The following PHACTR4 variants were observed in gnomAD, a reference collection of about 807,000 sequenced individuals.
PHACTR4 encodes phosphatase and actin regulator 4, also known as protein phosphatase 1, regulatory subunit 124.
A neutral mutation model predicts 72.7 loss-of-function variants in PHACTR4; 51 were observed. That is an observed-to-expected ratio of 0.70 (90% CI 0.56 to 0.89). The LOEUF is 0.89. Ranked by LOEUF, PHACTR4 falls within the 40% of genes least tolerant of loss-of-function variation. The probability of loss-of-function intolerance (pLI) is 0.00; values close to 1 mark genes in which losing one functional copy is unlikely to be tolerated. For missense variants in PHACTR4, 731 were observed against 861.8 expected (o/e 0.85, Z 1.90); for synonymous variants, 255 against 302.5 (o/e 0.84, Z 1.63).
At chr1:28,483,478 A>G (rs1331645535) in intron 9 of PHACTR4, among the ~76,000 whole-genome samples, 1 of 151,746 alleles carries the variant, frequency 6.6e-6, no homozygotes, top group East Asian at 2.0e-4. Context: ...CATGTTTATT[A>G]TATGGTAGTT....
intron 1 of PHACTR4, among the ~76,000 whole-genome samples, chr1:28,379,709 C>T (rs1016358599): frequency 1.3e-5 from 2 of 151,708 alleles, no homozygotes; most frequent in African/African-American, 2.4e-5. Context: ...CCTGCCTCAG[C>T]CTCCCGAGTA....
Position 28,458,108 on chromosome 1 carries a change from TTGTGTGTGTGTGTGTGTGTG to T in PHACTR4, c.17-947_17-928del, listed in dbSNP as rs539564108. The stretch of plus-strand genomic sequence containing the variant: ...ATCCTTAATATTATGGTGTGTGTGT[TTGTGTGTGTGTGTGTGTGTG>T]TGTGTGTGTGTGTGTGTGTGTGTGT... On this transcript the variant is annotated intron_variant, in intron 2 of 13. Transcript: ENST00000373839. Among the ~76,000 whole-genome samples the T allele has an allele frequency of 1.0e-3, 122 of 120,352 alleles. 1 individual carries two copies. The South Asian group carries it at 0.011, about 11-fold the overall frequency. The allele number at this position is 120,352 out of a possible 152,430, so 79.0% of individuals were successfully genotyped here.
chr1:28,448,426 AAAAGGAAAGGAAAGG>A (rs77755219), intron 2 of PHACTR4, among the ~76,000 whole-genome samples: 6 of 147,964 alleles, frequency 4.1e-5, no homozygotes, highest in East Asian at 2.0e-4. Context: ...GGGGAAAGGA[AAAAGGAAAGGAAAGG>A]AAAGGAAAGG....
chr1:28,462,519 C>T (rs1480019987), intron 4 of PHACTR4, among the ~76,000 whole-genome samples: 6 of 152,094 alleles, frequency 3.9e-5, no homozygotes, highest in African/African-American at 1.4e-4. Flanking sequence ...AGGCATGCAT[C>T]ACCACACCCA....
intron 2 of PHACTR4, among the ~76,000 whole-genome samples, chr1:28,426,840 T>C (rs1261309631): frequency 6.6e-6 from 1 of 152,076 alleles, no homozygotes; most frequent in Non-Finnish European, 1.5e-5. Context: ...GAACCTGGAC[T>C]GCACCTGGCC....
intron 2 of PHACTR4, among the ~76,000 whole-genome samples, chr1:28,447,006 A>T (rs993432097): frequency 6.6e-6 from 1 of 151,170 alleles, no homozygotes; most frequent in East Asian, 1.9e-4. Context: ...ATTTCTTTTT[A>T]TTTATTTATT....
intron 4 of PHACTR4, among the ~76,000 whole-genome samples, chr1:28,463,047 T>A (rs1658924965): frequency 6.6e-6 from 1 of 152,222 alleles, no homozygotes; most frequent in East Asian, 1.9e-4. Flanking sequence ...AAAGATTTTT[T>A]AAATTAGCCA....
chr1:28,490,041 T>A, intron 10 of PHACTR4: 1 of 381,512 alleles, frequency 2.6e-6, no homozygotes, highest in South Asian at 2.1e-5. Flanking sequence ...GCATACATAG[T>A]AAACATTTTG....
intron 13 of PHACTR4, among the ~76,000 whole-genome samples, chr1:28,496,191 G>A (rs1196669002): frequency 2.0e-5 from 3 of 151,632 alleles, no homozygotes; most frequent in Non-Finnish European, 2.9e-5. Flanking sequence ...CGAGTAGCTG[G>A]GACTACAGGT....
At chr1:28,495,437 C>T (rs1190703140) in intron 13 of PHACTR4, among the ~76,000 whole-genome samples, 1 of 151,628 alleles carries the variant, frequency 6.6e-6, no homozygotes, top group African/African-American at 2.4e-5. Flanking sequence ...AGAAGGCAGA[C>T]AATGAACAAG....
At chr1:28,426,668 A>G (rs1442331586) in intron 2 of PHACTR4, among the ~76,000 whole-genome samples, 1 of 152,246 alleles carries the variant, frequency 6.6e-6, no homozygotes, top group Middle Eastern at 3.4e-3. Context: ...CGTCTCAAAA[A>G]AAAAAAGAAA....
At position 28,498,338 on chromosome 1, in the gene PHACTR4, A is replaced by ACT. The variant is rs1557858147; in HGVS notation, c.*1791_*1792dup. ...CTCTCCTGCTGCGTGCTTCCTCTTCACTCCAGTGCTGATCCTCCTGCTCTC... is the reference window on the plus strand; with the variant it reads ...CTCTCCTGCTGCGTGCTTCCTCTTCACTCTCCAGTGCTGATCCTCCTGCTCTC... On this transcript the variant is annotated 3_prime_UTR_variant, in exon 14 of 14. Transcript: ENST00000373839. 2 of 152,236 alleles carry ACT rather than the reference A, an allele frequency of 1.3e-5. No individual in the cohort carries two copies. Among genetic ancestry groups the ACT allele is most frequent in the East Asian group, 3.9e-4 (2 of 5,148 alleles). The allele number at this position is 152,236 out of a possible 1,614,324, so 9.4% of individuals were successfully genotyped here. A position where few individuals can be genotyped will look rare whatever the true frequency, so the allele number is the denominator to read the frequency against.
intron 2 of PHACTR4, among the ~76,000 whole-genome samples, chr1:28,446,913 T>C (rs1337568839): frequency 6.6e-6 from 1 of 152,226 alleles, no homozygotes; most frequent in Non-Finnish European, 1.5e-5. Context: ...GCCAGGCAGA[T>C]ACTAGCATCA....
intron 7 of PHACTR4, among the ~76,000 whole-genome samples, chr1:28,474,723 A>G (rs1659810793): frequency 6.7e-6 from 1 of 150,064 alleles, no homozygotes; most frequent in Non-Finnish European, 1.5e-5. Flanking sequence ...TTGTATTTTT[A>G]GTGGAGATGG....
At chr1:28,441,382 A>C (rs1196486324) in intron 2 of PHACTR4, among the ~76,000 whole-genome samples, 2 of 152,116 alleles carry the variant, frequency 1.3e-5, no homozygotes, top group Non-Finnish European at 2.9e-5. Flanking sequence ...CCTGCAGTTA[A>C]AAAAAGGACC....
chr1:28,492,928 G>A (rs761269583), intron 12 of PHACTR4, 87 bp from the exon 13 acceptor site: 108 of 1,219,820 alleles, frequency 8.9e-5, no homozygotes, highest in Admixed American at 2.2e-4. Flanking sequence ...GACTTACAAA[G>A]TTAAACACAG....
intron 1 of PHACTR4, among the ~76,000 whole-genome samples, chr1:28,373,632 C>T (rs1179705972): frequency 1.3e-5 from 2 of 152,010 alleles, no homozygotes; most frequent in African/African-American, 4.8e-5. Flanking sequence ...CGCCATGTTG[C>T]CCAGCCTGGT....
chr1:28,463,587 A>G (rs1237461851), intron 4 of PHACTR4, among the ~76,000 whole-genome samples: 1 of 152,220 alleles, frequency 6.6e-6, no homozygotes, highest in Non-Finnish European at 1.5e-5. Context: ...ATGGGCAGTA[A>G]CTTACTATTT....
chr1:28,397,583 C>G (rs561211049), intron 1 of PHACTR4, among the ~76,000 whole-genome samples: 510 of 152,070 alleles, frequency 3.4e-3, no homozygotes, highest in Middle Eastern at 0.014. Flanking sequence ...TCATTCTTGA[C>G]GGTTTCCATC....
Sources: allele counts gnomAD v4.1 joint callset (sites outside exome capture counted in the v4.1 genomes callset), GRCh38; gene constraint gnomAD v4.1.1; transcripts MANE v1.5; gene names NCBI Gene and HGNC (gene_info 2026-07-23, HGNC 2026-07-21).